Variants in ADGRF3 observed in about 807,000 individuals in gnomAD.
ADGRF3 encodes the protein adhesion G protein-coupled receptor F3, also known as G protein-coupled receptor 113.
ADGRF3 carries 85 observed loss-of-function variants against 93.2 expected under a neutral mutation model. That is an observed-to-expected ratio of 0.91 (90% CI 0.77 to 1.09). ADGRF3 has a LOEUF of 1.09. Among genes scored for constraint, ADGRF3 ranks in the 50% least tolerant of loss-of-function variants. The probability of loss-of-function intolerance (pLI) is 0.00; values close to 1 mark genes in which losing one functional copy is unlikely to be tolerated. For synonymous variants in ADGRF3, 534 were observed against 532.5 expected (o/e 1.00, Z -0.04); for missense variants, 1,125 against 1,246.2 (o/e 0.90, Z 1.46).
At chr2:26,345,358 T>A (rs1274891200) in intron 1 of ADGRF3, among the ~76,000 whole-genome samples, 1 of 152,194 alleles carries the variant, frequency 6.6e-6, no homozygotes, top group Non-Finnish European at 1.5e-5. Flanking sequence ...GCAAACGCAT[T>A]TAAGGACTCG....
Position 26,315,536 on chromosome 2 carries a change from G to T in ADGRF3, c.704C>A (p.Ser235Tyr), listed in dbSNP as rs774670295. 3 of 1,551,048 alleles carry T rather than the reference G, an allele frequency of 1.9e-6. No individual in the cohort carries two copies. The African/African-American group carries it at 4.1e-5, about 21-fold the overall frequency. ...GQAALSVSNM[S>Y]HHWAGEYMSC... ...AGGCTGGCTACCTGCCCAGTGATGG[G>T]ACATGTTGGAGACGCTGAGGGCAGC... Residue 235 changes from serine (S) to tyrosine (Y), a missense_variant, in exon 5 of 14, where the codon TCC becomes TAC. By Grantham distance (144) the Ser-to-Tyr change is moderately radical (BLOSUM62 -2). Coordinates refer to ENST00000651242, the MANE Select transcript of ADGRF3 (RefSeq NM_001321971.2).
At chr2:26,324,829 G>C (rs749624988) in intron 1 of ADGRF3, among the ~76,000 whole-genome samples, 4 of 152,166 alleles carry the variant, frequency 2.6e-5, no homozygotes, top group African/African-American at 9.7e-5. Flanking sequence ...ATACCTTTGG[G>C]TATAGACCCA....
chr2:26,313,718 A>G, intron 7 of ADGRF3, 42 bp downstream of exon 7: 1 of 1,609,692 alleles, frequency 6.2e-7, no homozygotes, highest in Non-Finnish European at 8.5e-7. Flanking sequence ...CTCCCAAGGC[A>G]AGCAGCTGGG....
At chr2:26,310,297 A>C (rs1376300786) in intron 10 of ADGRF3, 60 bp from the exon 11 acceptor site, 1 of 1,571,104 alleles carries the variant, frequency 6.4e-7, no homozygotes, top group African/African-American at 1.4e-5. Flanking sequence ...CCGAATCAAC[A>C]TGCTCCTTCT....
chr2:26,326,344 C>T (rs1675433689), intron 1 of ADGRF3, among the ~76,000 whole-genome samples: 1 of 152,116 alleles, frequency 6.6e-6, no homozygotes, highest in Non-Finnish European at 1.5e-5. Flanking sequence ...TCAGAAATCC[C>T]TCTCTGTTCC....
rs1676752037 is a variant in ADGRF3 at position 26,346,319 on chromosome 2, C to T, written c.-85G>A. ...CGCGGGCCGGCGGATGCCCCTCTCC[C>T]TGCTCCCGGCCTCGCCCAGGCGGCT... On this transcript the variant is annotated 5_prime_UTR_variant, in exon 1 of 14. Transcript: ENST00000651242. The T allele has an allele frequency of 6.3e-7, 1 of 1,595,630 alleles. No homozygotes were observed. The highest frequency in any genetic ancestry group is 1.7e-5 in the Admixed American group (1 of 59,090).
intron 1 of ADGRF3, 32 bp from the exon 2 acceptor site, chr2:26,317,594 T>C: frequency 6.4e-7 from 1 of 1,554,014 alleles, no homozygotes; most frequent in East Asian, 2.4e-5. Context: ...AGACCTCAAG[T>C]CCCTTCCAAA....
At chr2:26,331,434 C>T (rs1249645833) in intron 1 of ADGRF3, among the ~76,000 whole-genome samples, 2 of 152,190 alleles carry the variant, frequency 1.3e-5, no homozygotes, top group East Asian at 1.9e-4. Flanking sequence ...CCTGTAATCC[C>T]AGCTACTCAG....
chr2:26,342,082 AC>A (rs1026119961), intron 1 of ADGRF3, among the ~76,000 whole-genome samples: 4 of 150,836 alleles, frequency 2.7e-5, no homozygotes, highest in Non-Finnish European at 3.0e-5. Flanking sequence ...CAAAAAAAAA[AC>A]AACTGACTTG....
At chr2:26,319,021 A>G (rs755387561) in intron 1 of ADGRF3, 4 of 1,551,494 alleles carry the variant, frequency 2.6e-6, no homozygotes, top group South Asian at 2.4e-5. Context: ...TGTGGCCAGG[A>G]GCAGCAGTGG....
chr2:26,334,376 T>C (rs1277409967), intron 1 of ADGRF3, among the ~76,000 whole-genome samples: 1 of 152,160 alleles, frequency 6.6e-6, no homozygotes, highest in Non-Finnish European at 1.5e-5. Flanking sequence ...ATTTTCTTAT[T>C]TGCAAGCCTT....
intron 1 of ADGRF3, among the ~76,000 whole-genome samples, chr2:26,335,222 A>T (rs7605895): frequency 0.98 from 149,802 of 152,284 alleles, 73,716 homozygotes; most frequent in East Asian, 1. Context: ...TCCCCTAATC[A>T]GCTTTCTGTT....
At position 26,312,092 on chromosome 2, in the gene ADGRF3, A is replaced by C; in HGVS notation, c.1450-18T>G. On this transcript the variant is annotated intron_variant, in intron 9 of 13. Transcript: ENST00000651242. ...AGGAGATTCTGCAGCACCCAAAAGA[A>C]AGATGAACCCCGTCTGCTGGCGCCC... is the stretch of plus-strand genomic sequence containing the variant. 1 of 1,590,304 alleles carries C rather than the reference A, an allele frequency of 6.3e-7. No homozygotes were observed. Among genetic ancestry groups the C allele is most frequent in the South Asian group, 1.1e-5 (1 of 88,692 alleles).
chr2:26,318,777 C>A (rs1360198750), intron 1 of ADGRF3: 1 of 932,416 alleles, frequency 1.1e-6, no homozygotes, highest in Non-Finnish European at 1.6e-6. Flanking sequence ...TCCCCCACAC[C>A]CAGGAAAGTA....
At chr2:26,324,674 T>C (rs1227573037) in intron 1 of ADGRF3, among the ~76,000 whole-genome samples, 5 of 152,236 alleles carry the variant, frequency 3.3e-5, no homozygotes, top group African/African-American at 9.6e-5. Context: ...TATGGCTGCA[T>C]AGTATTCCAT....
chr2:26,314,900 A>C, intron 5 of ADGRF3: 1 of 431,920 alleles, frequency 2.3e-6, no homozygotes, highest in Non-Finnish European at 4.1e-6. Flanking sequence ...CACCCCTGCC[A>C]TTTTAGCATC....
intron 1 of ADGRF3, among the ~76,000 whole-genome samples, chr2:26,325,895 C>A (rs1477069137): frequency 6.6e-6 from 1 of 151,934 alleles, no homozygotes; most frequent in Non-Finnish European, 1.5e-5. Context: ...AGACAAAATC[C>A]TGAAATCATA....
chr2:26,344,705 C>A (rs946268349), intron 1 of ADGRF3, among the ~76,000 whole-genome samples: 1 of 152,044 alleles, frequency 6.6e-6, no homozygotes, highest in African/African-American at 2.4e-5. Context: ...TGGTGGTGTG[C>A]GCCTGTAGTT....
Position 26,312,062 on chromosome 2 carries a change from C to T in ADGRF3, c.1462G>A (p.Ala488Thr), listed in dbSNP as rs2147867854. 1 of 1,606,944 alleles carries T rather than the reference C, an allele frequency of 6.2e-7. No homozygotes were observed. Among genetic ancestry groups the T allele is most frequent in the South Asian group, 1.1e-5 (1 of 90,656 alleles). The change falls in exon 10 of 14, where the codon GCC (alanine) becomes ACC (threonine). Residue 488 changes from alanine (A) to threonine (T), a missense_variant. Ala to Thr is a moderately conservative substitution (Grantham distance 58, BLOSUM62 0). Transcript: ENST00000651242. ...TCCATATCTAGGACCTTGTCTGTGGCAATCAGGAGATTCTGCAGCACCCAA... is the reference window on the plus strand; with the variant it reads ...TCCATATCTAGGACCTTGTCTGTGGTAATCAGGAGATTCTGCAGCACCCAA... ...DRRALKNLLIATDKVLDMDTR... is the reference protein window; with the variant it reads ...DRRALKNLLITTDKVLDMDTR...
Sources: allele counts gnomAD v4.1 joint callset (sites outside exome capture counted in the v4.1 genomes callset), GRCh38; gene constraint gnomAD v4.1.1; transcripts MANE v1.5; gene names NCBI Gene and HGNC (gene_info 2026-07-23, HGNC 2026-07-21).